KCNH5: variants seen among roughly 807,000 people sequenced by gnomAD.
KCNH5 encodes potassium voltage-gated channel subfamily H member 5.
KCNH5 carries 46 observed loss-of-function variants against 96.1 expected under a neutral mutation model. That is an observed-to-expected ratio of 0.48 (90% confidence interval 0.38 to 0.61). The LOEUF is 0.61. KCNH5 is among the 20% of genes least tolerant of loss of function. KCNH5 has a pLI of 0.00. For synonymous variants in KCNH5, 439 were observed against 449.8 expected (o/e 0.98, Z 0.30); for missense variants, 907 against 1,225.8 (o/e 0.74, Z 3.88).
At chr14:63,015,280 T>G (rs1178278971) in intron 2 of KCNH5, among the ~76,000 whole-genome samples, 1 of 152,064 alleles carries the variant, frequency 6.6e-6, no homozygotes, top group Non-Finnish European at 1.5e-5. Context: ...TGATTCTAAT[T>G]CAGTAGGTTT....
chr14:62,707,794 G>A lies in KCNH5; in HGVS notation c.2681C>T (p.Ala894Val). 6.2e-7 allele frequency: 1 copy of A among 1,614,148 alleles called. No individual in the cohort carries two copies. Among genetic ancestry groups the A allele is most frequent in the Non-Finnish European group, 8.5e-7 (1 of 1,180,036 alleles). The change falls in exon 11 of 11, where the codon GCC becomes GTC. Residue 894 changes from alanine to valine, a missense_variant. Physicochemically the swap from Ala to Val is moderately conservative, Grantham distance 64. Coordinates refer to ENST00000322893, the MANE Select transcript of KCNH5 (RefSeq NM_139318.5). ...PLEHSPIQAD[A>V]KHPFYPIPEQ... ...GGGGATGGGATAAAAGGGGTGCTTGGCATCAGCCTGGATGGGACTGTGCTC... is the reference window on the plus strand; with the variant it reads ...GGGGATGGGATAAAAGGGGTGCTTGACATCAGCCTGGATGGGACTGTGCTC...
chr14:63,003,325 G>A (rs976602983), intron 3 of KCNH5, among the ~76,000 whole-genome samples: 2 of 149,498 alleles, frequency 1.3e-5, no homozygotes, highest in Non-Finnish European at 3.0e-5. Flanking sequence ...TGGGGAGTCT[G>A]GGAGGGTTAA....
rs768208735 is a variant in KCNH5, at chr14:62,981,032, T to A, written c.782A>T (p.Asp261Val). ...AGTCGTGTGAAAATTTAAAACGATG[T>A]CAACCAGAAAAATAACGTCCACCAC... ...DSVVDVIFLV[D>V]IVLNFHTTFV... Residue 261 changes from aspartate to valine, a missense_variant, in exon 6 of 11, where the codon GAC (aspartate) becomes GTC (valine). Asp to Val is a radical substitution (Grantham distance 152). Around this residue, in one of 6 missense-constraint regions of KCNH5, gnomAD observed 370 missense variants for 561.3 expected, o/e 0.66. Transcript: ENST00000322893. The A allele has an allele frequency of 6.2e-7, 1 of 1,614,140 alleles. No individual in the cohort carries two copies. Among genetic ancestry groups the A allele is most frequent in the South Asian group, 1.1e-5 (1 of 91,072 alleles).
intron 7 of KCNH5, among the ~76,000 whole-genome samples, chr14:62,920,579 G>A (rs532141799): frequency 4.6e-5 from 7 of 151,974 alleles, no homozygotes; most frequent in South Asian, 2.1e-4. Context: ...TCTTCGACCC[G>A]CCTGTGCAAC....
At chr14:62,723,933 GC>G (rs1884868550) in intron 10 of KCNH5, among the ~76,000 whole-genome samples, 1 of 152,112 alleles carries the variant, frequency 6.6e-6, no homozygotes, top group Admixed American at 6.5e-5. Context: ...TGGTACGGTA[GC>G]CTTTTATTTG....
intron 1 of KCNH5, among the ~76,000 whole-genome samples, chr14:63,028,038 T>C (rs1216223661): frequency 2.6e-5 from 4 of 152,104 alleles, no homozygotes; most frequent in Non-Finnish European, 5.9e-5. Context: ...ATCAATTTCA[T>C]AGCCCAATGA....
Position 63,045,312 on chromosome 14 carries a change from G to GCGGCGA in KCNH5, c.-132_-127dup. On this transcript the variant is annotated 5_prime_UTR_variant, in exon 1 of 11. Coordinates refer to ENST00000322893, the MANE Select transcript of KCNH5 (RefSeq NM_139318.5). ...AGCCGAAAGAAGAGGGGGCGCGGCG[G>GCGGCGA]CGGCGACGGGGTCCCCTGACTGTGT... The GCGGCGA allele has an allele frequency of 2.7e-6, 2 of 752,828 alleles. No individual in the cohort carries two copies. The highest frequency in any genetic ancestry group is 3.2e-5 in the South Asian group (2 of 62,470). The allele number at this position is 752,828 out of a possible 1,614,324, so 46.6% of individuals were successfully genotyped here. A position where few individuals can be genotyped will look rare whatever the true frequency, so the allele number is the denominator to read the frequency against.
intron 8 of KCNH5, among the ~76,000 whole-genome samples, chr14:62,836,198 A>C (rs1281526872): frequency 2.6e-5 from 4 of 152,134 alleles, no homozygotes; most frequent in Non-Finnish European, 5.9e-5. Flanking sequence ...GAATTTCAGA[A>C]AATAAAATTT....
Position 62,882,682 on chromosome 14 carries a change from T to C in KCNH5, c.1370-32830A>G, listed in dbSNP as rs974514442. 3.3e-5 allele frequency among the ~76,000 whole-genome samples: 5 copies of C among 152,216 alleles called. No homozygotes were observed. In the South Asian group the frequency reaches 1.0e-3, roughly 32 times the overall value. On this transcript the variant is annotated intron_variant, in intron 7 of 10. Transcript: ENST00000322893. Reference sequence around the variant, plus strand: ...ACATTCGTTTTACTGTCTTTCTTTTTTAATGTAGTTTACTAAATTTGCTTT... The same window carrying C: ...ACATTCGTTTTACTGTCTTTCTTTTCTAATGTAGTTTACTAAATTTGCTTT...
intron 8 of KCNH5, among the ~76,000 whole-genome samples, chr14:62,844,747 T>C (rs981288948): frequency 1.3e-5 from 2 of 152,158 alleles, no homozygotes; most frequent in Non-Finnish European, 2.9e-5. Flanking sequence ...AATGCTGCAA[T>C]CTCCACATCA....
At chr14:62,789,382 A>G (rs570645569) in intron 9 of KCNH5, among the ~76,000 whole-genome samples, 1 of 152,092 alleles carries the variant, frequency 6.6e-6, no homozygotes, top group Non-Finnish European at 1.5e-5. Context: ...ACAATACTGC[A>G]ATAAACATGG....
chr14:62,970,681 C>G (rs1018827241), intron 6 of KCNH5, among the ~76,000 whole-genome samples: 1 of 151,984 alleles, frequency 6.6e-6, no homozygotes, highest in African/African-American at 2.4e-5. Flanking sequence ...TCTAGGTATG[C>G]AAAGCTGGTG....
At chr14:63,026,959 C>G (rs572330130) in intron 1 of KCNH5, among the ~76,000 whole-genome samples, 1 of 152,104 alleles carries the variant, frequency 6.6e-6, no homozygotes, top group Non-Finnish European at 1.5e-5. Flanking sequence ...ACCTAAGTGC[C>G]AATCAACAGA....
chr14:62,780,428 C>T (rs1040703737), intron 9 of KCNH5, among the ~76,000 whole-genome samples: 1 of 152,044 alleles, frequency 6.6e-6, no homozygotes, highest in African/African-American at 2.4e-5. Context: ...AACTTAGTTC[C>T]CCAAGAATGC....
intron 6 of KCNH5, among the ~76,000 whole-genome samples, chr14:62,975,179 A>G (rs983676530): frequency 6.6e-6 from 1 of 152,214 alleles, no homozygotes; most frequent in African/African-American, 2.4e-5. Flanking sequence ...TATAGTGCTT[A>G]TGAACACACA....
chr14:62,875,848 G>A (rs139409968), intron 7 of KCNH5, among the ~76,000 whole-genome samples: 50 of 152,072 alleles, frequency 3.3e-4, no homozygotes, highest in African/African-American at 8.9e-4. Flanking sequence ...TCAATGTTAC[G>A]TTGTTGATTA....
intron 8 of KCNH5, among the ~76,000 whole-genome samples, chr14:62,834,237 T>A (rs2140030696): frequency 6.6e-6 from 1 of 151,876 alleles, no homozygotes; most frequent in South Asian, 2.1e-4. Flanking sequence ...TAAGCTCTTT[T>A]CCTTTTCCTA....
chr14:62,762,339 A>G (rs1885768950), intron 10 of KCNH5, among the ~76,000 whole-genome samples: 1 of 152,094 alleles, frequency 6.6e-6, no homozygotes, highest in South Asian at 2.1e-4. Flanking sequence ...GCCCATGCCC[A>G]CTTGCAGCAC....
chr14:62,720,652 G>T (rs1884790133), intron 10 of KCNH5, among the ~76,000 whole-genome samples: 1 of 152,168 alleles, frequency 6.6e-6, no homozygotes, highest in South Asian at 2.1e-4. Context: ...TAGGGAGATA[G>T]AAATGGAGGG....
Sources: gnomAD v4.1 joint callset for allele counts (sites outside exome capture counted in the v4.1 genomes callset) on GRCh38, gnomAD v4.1.1 for gene constraint, gnomAD v4.1.1 regional missense constraint, MANE v1.5 for transcripts, NCBI Gene and HGNC (gene_info 2026-07-23, HGNC 2026-07-21) for gene names.